CDH18: variants seen among roughly 807,000 people sequenced by gnomAD.
The protein encoded by CDH18 is cadherin 18, also known as cadherin-18.
A neutral mutation model predicts 67.9 loss-of-function variants in CDH18; 31 were observed. That is an observed-to-expected ratio of 0.46 (90% CI 0.34 to 0.62). The LOEUF is 0.62. CDH18 is among the 20% of genes least tolerant of loss of function. CDH18 has a pLI of 0.01. For synonymous variants in CDH18, 362 were observed against 347.2 expected (o/e 1.04, Z -0.48); for missense variants, 890 against 975.5 (o/e 0.91, Z 1.17).
intron 2 of CDH18, among the ~76,000 whole-genome samples, chr5:20,052,695 G>A (rs1741541121): frequency 6.6e-6 from 1 of 151,984 alleles, no homozygotes; most frequent in African/African-American, 2.4e-5. Flanking sequence ...ATCAGTAACA[G>A]CTCTTATTAA....
At chr5:20,457,914 T>C (rs1466641550) in intron 1 of CDH18, among the ~76,000 whole-genome samples, 2 of 152,182 alleles carry the variant, frequency 1.3e-5, no homozygotes, top group Admixed American at 1.3e-4. Flanking sequence ...AATATTTGGA[T>C]ACTGGTACTG....
At position 19,861,289 on chromosome 5, in the gene CDH18, G is replaced by GT. The variant is rs1490539741; in HGVS notation, c.-256-22048_-256-22047insA. 1.3e-4 allele frequency among the ~76,000 whole-genome samples: 6 copies of GT among 47,650 alleles called. 1 individual carries two copies. Among genetic ancestry groups the GT allele is most frequent in the South Asian group, 1.0e-3 (1 of 968 alleles). 31.3% of individuals were successfully genotyped at this position (47,650 alleles called of 152,430 possible). ...TTAGGTGCTGTAAGAGGTACAGATG[G>GT]GTTTTTTTTTATATCTGGGGACAGA... is the stretch of plus-strand genomic sequence containing the variant. On this transcript the variant is annotated intron_variant, in intron 2 of 12. Transcript: ENST00000382275.
At chr5:19,870,751 G>A (rs1470833722) in intron 2 of CDH18, among the ~76,000 whole-genome samples, 1 of 152,162 alleles carries the variant, frequency 6.6e-6, no homozygotes, top group Non-Finnish European at 1.5e-5. Flanking sequence ...GTGGAGATTA[G>A]ATGCTACGTG....
chr5:20,550,863 G>A (rs1286341827), intron 1 of CDH18, among the ~76,000 whole-genome samples: 1 of 152,162 alleles, frequency 6.6e-6, no homozygotes, highest in African/African-American at 2.4e-5. Context: ...GCCTCAGGAA[G>A]CTTCCAATCA....
chr5:19,802,638 C>CTTACT (rs1001631234), intron 3 of CDH18, among the ~76,000 whole-genome samples: 4 of 152,062 alleles, frequency 2.6e-5, no homozygotes, highest in Non-Finnish European at 4.4e-5. Flanking sequence ...GTACACCCAT[C>CTTACT]TTACTTTTGA....
At chr5:20,536,732 T>G (rs2126572546) in intron 1 of CDH18, among the ~76,000 whole-genome samples, 1 of 152,250 alleles carries the variant, frequency 6.6e-6, no homozygotes, top group East Asian at 1.9e-4. Flanking sequence ...TCACAAAAGC[T>G]TGGATTGTTC....
At chr5:19,793,399 A>G (rs1776560635) in intron 3 of CDH18, among the ~76,000 whole-genome samples, 1 of 152,182 alleles carries the variant, frequency 6.6e-6, no homozygotes, top group Non-Finnish European at 1.5e-5. Context: ...CATTTTATCA[A>G]TATTCCTGGA....
At chr5:20,391,671 C>G (rs72745083) in intron 1 of CDH18, among the ~76,000 whole-genome samples, 1 of 151,908 alleles carries the variant, frequency 6.6e-6, no homozygotes, top group African/African-American at 2.4e-5. Flanking sequence ...TGTTTGCAGA[C>G]AAACAAATTT....
intron 1 of CDH18, among the ~76,000 whole-genome samples, chr5:20,278,488 C>G (rs1444205310): frequency 6.6e-6 from 1 of 151,764 alleles, no homozygotes; most frequent in South Asian, 2.1e-4. Context: ...CAATATAAGA[C>G]CTATCCTACA....
At chr5:19,993,864 C>T (rs1800121750) in intron 2 of CDH18, among the ~76,000 whole-genome samples, 2 of 152,028 alleles carry the variant, frequency 1.3e-5, no homozygotes, top group African/African-American at 2.4e-5. Context: ...ATATTCGGCT[C>T]ATATATTTAC....
intron 1 of CDH18, among the ~76,000 whole-genome samples, chr5:20,325,645 T>C (rs1325506997): frequency 6.6e-6 from 1 of 152,142 alleles, no homozygotes; most frequent in Non-Finnish European, 1.5e-5. Context: ...TGTGCTTTTC[T>C]TTTCTGTCTT....
At chr5:20,336,704 CAG>C (rs1355150706) in intron 1 of CDH18, among the ~76,000 whole-genome samples, 2 of 108,918 alleles carry the variant, frequency 1.8e-5, no homozygotes, top group Non-Finnish European at 1.7e-5. Flanking sequence ...GCCTGGGCAA[CAG>C]AGAGGGAGCC....
At position 20,249,849 on chromosome 5, in the gene CDH18, A is replaced by T. The variant is rs1340064807; in HGVS notation, c.-518+5595T>A. On this transcript the variant is annotated intron_variant, in intron 2 of 14. Coordinates refer to the CDH18 transcript ENST00000507958. ...AAATATTTACTGTTATCGGTTATAA[A>T]TGAGAAGAAGAGTGTGAACATTCTT... Among the ~76,000 whole-genome samples the T allele has an allele frequency of 2.0e-5, 3 of 152,222 alleles. No homozygotes were observed. The East Asian group carries it at 5.8e-4, about 29-fold the overall frequency.
chr5:19,547,653 A>G (rs890996921), intron 8 of CDH18, among the ~76,000 whole-genome samples: 22 of 152,148 alleles, frequency 1.4e-4, no homozygotes, highest in African/African-American at 5.1e-4. Context: ...TAATTTATAT[A>G]GTTTTAAATT....
chr5:20,093,542 C>T (rs996951972), intron 2 of CDH18, among the ~76,000 whole-genome samples: 1 of 152,008 alleles, frequency 6.6e-6, no homozygotes, highest in African/African-American at 2.4e-5. Context: ...TACTCAAATG[C>T]TAAGAATTAA....
chr5:19,646,743 T>C (rs1312657002), intron 5 of CDH18, among the ~76,000 whole-genome samples: 1 of 152,142 alleles, frequency 6.6e-6, no homozygotes, highest in Non-Finnish European at 1.5e-5. Context: ...AGTTTTCTTC[T>C]GGAGAATAGT....
chr5:19,834,384 T>G (rs1781387028), intron 3 of CDH18, among the ~76,000 whole-genome samples: 1 of 152,060 alleles, frequency 6.6e-6, no homozygotes, highest in Non-Finnish European at 1.5e-5. Flanking sequence ...TCCTTTATCA[T>G]TTTTTATTAT....
chr5:19,480,741 A>G (rs2126566920), intron 12 of CDH18, among the ~76,000 whole-genome samples: 1 of 150,578 alleles, frequency 6.6e-6, no homozygotes, highest in South Asian at 2.1e-4. Context: ...GTACATATTT[A>G]TTTGTTTTTA....
chr5:20,404,594 A>G (rs2150134007), intron 1 of CDH18, among the ~76,000 whole-genome samples: 1 of 152,262 alleles, frequency 6.6e-6, no homozygotes, highest in South Asian at 2.1e-4. Context: ...TAACACACAC[A>G]GGATTTATTG....
Sources: allele counts gnomAD v4.1 joint callset (sites outside exome capture counted in the v4.1 genomes callset), GRCh38; gene constraint gnomAD v4.1.1; transcripts MANE v1.5; gene names NCBI Gene and HGNC (gene_info 2026-07-23, HGNC 2026-07-21).